The following CDH10 variants were observed in gnomAD, a reference collection of about 807,000 sequenced individuals.
CDH10 encodes the protein cadherin 10, also known as cadherin-10.
A neutral mutation model predicts 73.1 loss-of-function variants in CDH10; 30 were observed. The observed-to-expected ratio is 0.41, with a 90% CI of 0.31 to 0.56. CDH10 has a LOEUF of 0.56. Ranked by LOEUF, CDH10 falls within the 20% of genes least tolerant of loss-of-function variation. The pLI is 0.27. For synonymous variants in CDH10, 345 were observed against 348.2 expected (o/e 0.99, Z 0.10); for missense variants, 815 against 973.7 (o/e 0.84, Z 2.17).
intron 2 of CDH10, among the ~76,000 whole-genome samples, chr5:24,563,102 C>T (rs1242394272): frequency 6.6e-6 from 1 of 152,172 alleles, no homozygotes; most frequent in Non-Finnish European, 1.5e-5. Flanking sequence ...CAAATAACCA[C>T]CTCAAATCAT....
intron 3 of CDH10, among the ~76,000 whole-genome samples, chr5:24,536,430 G>T (rs891982970): frequency 2.2e-4 from 33 of 151,944 alleles, no homozygotes; most frequent in African/African-American, 7.5e-4. Context: ...CAATGCTTTT[G>T]AGAAATGTAG....
chr5:24,532,852 G>T (rs570698031), intron 5 of CDH10, among the ~76,000 whole-genome samples: 1 of 152,058 alleles, frequency 6.6e-6, no homozygotes, highest in East Asian at 1.9e-4. Flanking sequence ...TAGATTAGTT[G>T]TGAGGTTTCA....
At chr5:24,605,298 G>T (rs1234146493) in intron 1 of CDH10, among the ~76,000 whole-genome samples, 1 of 152,208 alleles carries the variant, frequency 6.6e-6, no homozygotes, top group Non-Finnish European at 1.5e-5. Context: ...GAGGTGAGGA[G>T]CCTGTGACCA....
rs1293875016 is a variant in CDH10 at position 24,504,521 on chromosome 5, T to G, written c.1393+591A>C. 6.1e-3 allele frequency among the ~76,000 whole-genome samples: 717 copies of G among 117,838 alleles called. 118 individuals are homozygous for G. Among genetic ancestry groups the G allele is most frequent in the East Asian group, 0.031 (116 of 3,790 alleles). The allele number at this position is 117,838 out of a possible 152,430, so 77.3% of individuals were successfully genotyped here. On this transcript the variant is annotated intron_variant, in intron 8 of 11. Transcript: ENST00000264463. ...TCCTATTAATCTTTTTTTTTTTTTT[T>G]TTTTTTTTTTTTTTTTTTTTTTAAG... is the stretch of plus-strand genomic sequence containing the variant.
chr5:24,605,654 T>C (rs1180128671), intron 1 of CDH10, among the ~76,000 whole-genome samples: 2 of 152,200 alleles, frequency 1.3e-5, no homozygotes, highest in Non-Finnish European at 2.9e-5. Flanking sequence ...GAAAACAAAT[T>C]TGTGGTTCTT....
chr5:24,571,244 C>T (rs918154324), intron 2 of CDH10, among the ~76,000 whole-genome samples: 1 of 151,856 alleles, frequency 6.6e-6, no homozygotes, highest in African/African-American at 2.4e-5. Context: ...GTTATGTTCA[C>T]GATGAGCCTT....
chr5:24,534,846 T>C (rs762001121), intron 5 of CDH10, among the ~76,000 whole-genome samples: 12 of 152,114 alleles, frequency 7.9e-5, no homozygotes, highest in Non-Finnish European at 1.2e-4. Context: ...AAACTACAAT[T>C]ACAGATGCCA....
chr5:24,538,629 T>G (rs1427701853), intron 2 of CDH10, among the ~76,000 whole-genome samples: 1 of 152,098 alleles, frequency 6.6e-6, no homozygotes, highest in East Asian at 1.9e-4. Flanking sequence ...CCAACAGGCT[T>G]AGGAGTACAT....
chr5:24,548,686 A>T (rs1744435392), intron 2 of CDH10, among the ~76,000 whole-genome samples: 3 of 152,128 alleles, frequency 2.0e-5, no homozygotes, highest in Admixed American at 6.6e-5. Flanking sequence ...CCAACTTAAC[A>T]TATAAAATTA....
At chr5:24,632,718 C>A (rs1033449839) in intron 1 of CDH10, among the ~76,000 whole-genome samples, 1 of 151,904 alleles carries the variant, frequency 6.6e-6, no homozygotes, top group African/African-American at 2.4e-5. Context: ...GATTTGTATG[C>A]AATTTTATAA....
chr5:24,570,144 T>A (rs1466983685), intron 2 of CDH10, among the ~76,000 whole-genome samples: 1 of 152,142 alleles, frequency 6.6e-6, no homozygotes, highest in African/African-American at 2.4e-5. Context: ...ATCACCCTCT[T>A]AGAGATATTA....
intron 8 of CDH10, among the ~76,000 whole-genome samples, chr5:24,502,536 A>G (rs961440564): frequency 3.9e-5 from 6 of 152,152 alleles, no homozygotes; most frequent in African/African-American, 1.2e-4. Context: ...CCAGAACAGA[A>G]TAATGGGATC....
intron 9 of CDH10, among the ~76,000 whole-genome samples, chr5:24,497,398 G>A (rs1742330735): frequency 6.6e-6 from 1 of 151,894 alleles, no homozygotes; most frequent in South Asian, 2.1e-4. Flanking sequence ...GTTTCATTAA[G>A]TAGTAAGTGG....
At chr5:24,637,083 G>A (rs1309650979) in intron 1 of CDH10, among the ~76,000 whole-genome samples, 1 of 151,908 alleles carries the variant, frequency 6.6e-6, no homozygotes, top group Non-Finnish European at 1.5e-5. Context: ...CACTTTAAAA[G>A]CACCTAGTAC....
At chr5:24,520,995 C>T (rs1169781967) in intron 5 of CDH10, among the ~76,000 whole-genome samples, 4 of 151,900 alleles carry the variant, frequency 2.6e-5, no homozygotes, top group Non-Finnish European at 2.9e-5. Context: ...CATGAGCCAC[C>T]GTGCCCGGCC....
chr5:24,512,395 C>CTGAATGTTTCTATGTAGTTG (rs1742948764), intron 5 of CDH10, among the ~76,000 whole-genome samples: 1 of 152,154 alleles, frequency 6.6e-6, no homozygotes, highest in East Asian at 1.9e-4. Flanking sequence ...AGGATATACA[C>CTGAATGTTTCTATGTAGTTG]TGAATGTTTC....
At chr5:24,589,963 A>T (rs1046708082) in intron 2 of CDH10, among the ~76,000 whole-genome samples, 1 of 152,092 alleles carries the variant, frequency 6.6e-6, no homozygotes, top group African/African-American at 2.4e-5. Flanking sequence ...TGGAAGATAA[A>T]GAGAGGGGAG....
chr5:24,615,277 C>T (rs1014095051), intron 1 of CDH10, among the ~76,000 whole-genome samples: 1 of 152,168 alleles, frequency 6.6e-6, no homozygotes, highest in African/African-American at 2.4e-5. Context: ...TCACATATTT[C>T]AAATATTTTA....
At chr5:24,554,099 AG>A (rs199813547) in intron 2 of CDH10, 1 of 53,670 alleles carries the variant, frequency 1.9e-5, no homozygotes, top group Admixed American at 2.0e-4. Context: ...GAGAGAGAGA[AG>A]GGGAGGTGGG....
Sources: allele counts gnomAD v4.1 joint callset (sites outside exome capture counted in the v4.1 genomes callset), GRCh38; gene constraint gnomAD v4.1.1; transcripts MANE v1.5; gene names NCBI Gene and HGNC (gene_info 2026-07-23, HGNC 2026-07-21).